Variants in ATAD3A observed in about 807,000 individuals in gnomAD.
ATAD3A encodes ATPase family AAA domain containing 3A.
ATAD3A carries 46 observed loss-of-function variants against 73.8 expected under a neutral mutation model. That is an observed-to-expected ratio of 0.62 (90% CI 0.49 to 0.80). ATAD3A has a LOEUF of 0.80. Ranked by LOEUF, ATAD3A falls within the 30% of genes least tolerant of loss-of-function variation. The pLI, the probability that ATAD3A is intolerant of heterozygous loss-of-function variation, is 0.00. For missense variants in ATAD3A, 705 were observed against 838.0 expected, an observed-to-expected ratio of 0.84 and a Z score of 1.96; for synonymous variants, 319 against 350.0, an observed-to-expected ratio of 0.91 and a Z score of 0.99.
chr1:1,522,613 C>T, intron 7 of ATAD3A, 131 bp from the exon 8 acceptor site: 1 of 1,504,078 alleles, frequency 6.6e-7, no homozygotes, highest in Non-Finnish European at 8.9e-7. Flanking sequence ...ATTCGCGTTC[C>T]TGTGGGGCCA....
intron 11 of ATAD3A, 133 bp from the exon 12 acceptor site, chr1:1,525,107 T>C: frequency 7.9e-7 from 1 of 1,257,884 alleles, no homozygotes; most frequent in South Asian, 1.2e-5. Flanking sequence ...GTCCAGGACT[T>C]AGGGCTGCTG....
chr1:1,532,932 G>A (rs1344344992), intron 15 of ATAD3A, among the ~76,000 whole-genome samples: 3 of 151,902 alleles, frequency 2.0e-5, no homozygotes, highest in Non-Finnish European at 2.9e-5. Flanking sequence ...AGTGTCTCCT[G>A]CGCTCCCGGG....
At position 1,528,254 on chromosome 1, in the gene ATAD3A, C is replaced by T. The variant is rs369159010; in HGVS notation, c.1505+392C>T. ...CAGGGATTACAGATGTGAGCCACCG[C>T]GCCCGGCGTCTTTTCCATTCCTCTT... On this transcript the variant is annotated intron_variant, in intron 14 of 15. Coordinates refer to ENST00000378756, the MANE Select transcript of ATAD3A (RefSeq NM_001170535.3). Among the ~76,000 whole-genome samples, 49 of 152,340 alleles carry T rather than the reference C, an allele frequency of 3.2e-4. 1 individual carries two copies. In the South Asian group the frequency reaches 3.7e-3, roughly 12 times the overall value.
intron 15 of ATAD3A, among the ~76,000 whole-genome samples, chr1:1,531,279 C>T (rs1642024325): frequency 6.6e-6 from 1 of 151,992 alleles, no homozygotes; most frequent in African/African-American, 2.4e-5. Context: ...GGTGAAACCC[C>T]ATCTCTACTA....
intron 4 of ATAD3A, among the ~76,000 whole-genome samples, 172 bp from the exon 5 acceptor site, chr1:1,518,749 C>T (rs1641477767): frequency 6.6e-6 from 1 of 150,686 alleles, no homozygotes; most frequent in African/African-American, 2.4e-5. Context: ...CACATGGGCA[C>T]AGTCACCCGC....
At position 1,526,456 on chromosome 1, in the gene ATAD3A, T is replaced by G; in HGVS notation, c.1267-5T>G. 1.2e-6 allele frequency: 2 copies of G among 1,610,640 alleles called. No individual in the cohort carries two copies. The highest frequency in any genetic ancestry group is 1.7e-6 in the Non-Finnish European group (2 of 1,178,356). On this transcript the variant is annotated splice_polypyrimidine_tract_variant and splice_region_variant and intron_variant, in intron 12 of 15. Transcript: ENST00000378756. ...GTGCCTAAGGCTGGAACCTTCTCTC[T>G]GCAGGAGAAGATAAGCGAGGACCTC...
chr1:1,515,196 G>A (rs1641317808), intron 1 of ATAD3A, among the ~76,000 whole-genome samples: 1 of 152,142 alleles, frequency 6.6e-6, no homozygotes, highest in Non-Finnish European at 1.5e-5. Flanking sequence ...TCCCACCTCA[G>A]CCTCAGAGTA....
At chr1:1,519,128 G>A (rs1235177107) in intron 5 of ATAD3A, 138 bp downstream of exon 5, 15 of 1,550,002 alleles carry the variant, frequency 9.7e-6, no homozygotes, top group Admixed American at 3.8e-5. Flanking sequence ...GGGGCTCCGC[G>A]GGGTGGGGCT....
chr1:1,514,276 C>T (rs4111068), intron 1 of ATAD3A, among the ~76,000 whole-genome samples: 3 of 152,096 alleles, frequency 2.0e-5, no homozygotes, highest in Admixed American at 6.5e-5. Context: ...CAAAGGTCCC[C>T]TCGGGAGGAA....
Position 1,525,508 on chromosome 1 carries a change from A to G in ATAD3A, c.1266+217A>G, listed in dbSNP as rs545639752. Among the ~76,000 whole-genome samples the G allele has an allele frequency of 3.4e-3, 483 of 140,538 alleles. 3 individuals are homozygous for G. The highest frequency in any genetic ancestry group is 0.012 in the African/African-American group (450 of 36,930). The allele number at this position is 140,538 out of a possible 152,430, so 92.2% of individuals were successfully genotyped here. A position where few individuals can be genotyped will look rare whatever the true frequency, so the allele number is the denominator to read the frequency against. On this transcript the variant is annotated intron_variant, in intron 12 of 15. Transcript: ENST00000378756. ...CGGCTCACTGCAAGCTCCACCTCCCAGGTTCACGCCATTCTCCCGCCTCAG... is the reference window on the plus strand; with the variant it reads ...CGGCTCACTGCAAGCTCCACCTCCCGGGTTCACGCCATTCTCCCGCCTCAG...
rs1175130792 is a variant in ATAD3A, at chr1:1,522,731, G to A, written c.751-13G>A. The A allele has an allele frequency of 1.2e-6, 2 of 1,611,720 alleles. No individual in the cohort carries two copies. The highest frequency in any genetic ancestry group is 2.7e-5 in the African/African-American group (2 of 74,756). ...GTGGGGGCCGGTGCGCCAGTGCGGT[G>A]TCTCTGCTGCAGGTGGCTGGGCTGA... On this transcript the variant is annotated splice_polypyrimidine_tract_variant and intron_variant, in intron 7 of 15. Coordinates refer to ENST00000378756, the MANE Select transcript of ATAD3A (RefSeq NM_001170535.3).
chr1:1,530,853 A>C (rs1443210130), intron 15 of ATAD3A, among the ~76,000 whole-genome samples: 7 of 145,380 alleles, frequency 4.8e-5, no homozygotes, highest in Admixed American at 6.8e-5. Context: ...AAAAAAAAAA[A>C]AACTAAGAAT....
intron 7 of ATAD3A, among the ~76,000 whole-genome samples, chr1:1,522,266 C>G (rs1481136480): frequency 6.6e-6 from 1 of 151,630 alleles, no homozygotes; most frequent in Admixed American, 6.6e-5. Flanking sequence ...GTCTTGAACT[C>G]TTGACCTCAG....
Position 1,520,491 on chromosome 1 carries a change from C to G in ATAD3A, c.681-57C>G, listed in dbSNP as rs563698867. ...CAGGGCCTCACCCTCAACCTGCTCT[C>G]GCTGCGTGGCACGGATCTTCGTGTC... On this transcript the variant is annotated intron_variant, in intron 6 of 15. Coordinates refer to ENST00000378756, the MANE Select transcript of ATAD3A (RefSeq NM_001170535.3). This position sits in a 1 kb window ranked among gnomAD's most constrained non-coding sequence, Gnocchi z 4.0. 157 of 1,613,834 alleles carry G rather than the reference C, an allele frequency of 9.7e-5. No homozygotes were observed. The East Asian group carries it at 3.3e-3, about 33-fold the overall frequency.
intron 1 of ATAD3A, among the ~76,000 whole-genome samples, chr1:1,514,896 TGGA>T (rs1476524667): frequency 6.6e-6 from 1 of 152,160 alleles, no homozygotes; most frequent in East Asian, 1.9e-4. Context: ...TTATTTGAGA[TGGA>T]GTTGCCGTCC....
rs929056395 is a variant in ATAD3A, at chr1:1,533,057, G to C, written c.1615-869G>C. 2.6e-5 allele frequency among the ~76,000 whole-genome samples: 4 copies of C among 152,256 alleles called. 1 individual carries two copies. Among genetic ancestry groups the C allele is most frequent in the Admixed American group, 2.0e-4 (3 of 15,286 alleles). On this transcript the variant is annotated intron_variant, in intron 15 of 15. Coordinates refer to ENST00000378756, the MANE Select transcript of ATAD3A (RefSeq NM_001170535.3). ...GCACCACGTGGTCATCCCCATGGCAGGTTCCGTCGTGGCGACGGTGTTGTG... is the reference window on the plus strand; with the variant it reads ...GCACCACGTGGTCATCCCCATGGCACGTTCCGTCGTGGCGACGGTGTTGTG...
At chr1:1,512,686 G>A (rs1307587359) in intron 1 of ATAD3A, 3 of 1,286,328 alleles carry the variant, frequency 2.3e-6, no homozygotes, top group African/African-American at 1.6e-5. Flanking sequence ...TCAGGAGCGG[G>A]TCAGGTGCGG....
In ATAD3A at chr1:1,520,123, C is replaced by T. The variant is rs45518337; in HGVS notation, c.515-18C>T. The T allele has an allele frequency of 0.013, 21,452 of 1,603,576 alleles. 257 individuals are homozygous for T. Among genetic ancestry groups the T allele is most frequent in the South Asian group, 0.038 (3,386 of 89,816 alleles). On this transcript the variant is annotated intron_variant, in intron 5 of 15. Coordinates refer to ENST00000378756, the MANE Select transcript of ATAD3A (RefSeq NM_001170535.3). This position sits in a 1 kb window ranked among gnomAD's most constrained non-coding sequence, Gnocchi z 4.0. ...GCTGCACTGCATGGTGCTGAGCTGCCCTGCCTCTCTGGGGCAGCCACCGTG... is the reference window on the plus strand; with the variant it reads ...GCTGCACTGCATGGTGCTGAGCTGCTCTGCCTCTCTGGGGCAGCCACCGTG...
At chr1:1,529,458 G>A (rs1641961946) in intron 15 of ATAD3A, 127 bp downstream of exon 15, 1 of 1,463,696 alleles carries the variant, frequency 6.8e-7, no homozygotes, top group Admixed American at 2.5e-5. Context: ...TCAGTGCACA[G>A]AGGTGACACA....
Sources: gnomAD v4.1 joint callset for allele counts (sites outside exome capture counted in the v4.1 genomes callset) on GRCh38, gnomAD v4.1.1 for gene constraint, Gnocchi (gnomAD v3.1) non-coding constraint, MANE v1.5 for transcripts, NCBI Gene and HGNC (gene_info 2026-07-23, HGNC 2026-07-21) for gene names.